The following RYR1 variants were observed in gnomAD, a reference collection of about 807,000 sequenced individuals.
RYR1 encodes the protein ryanodine receptor 1, also known as central core disease of muscle.
Under a neutral mutation model 583.5 loss-of-function variants are expected in RYR1, and 342 were observed. The observed-to-expected ratio is 0.59, with a 90% CI of 0.54 to 0.64. RYR1 has a LOEUF of 0.64. Ranked by LOEUF, RYR1 falls within the 30% of genes least tolerant of loss-of-function variation. RYR1 has a pLI of 0.00. For missense variants in RYR1, 6,032 were observed against 6,917.2 expected (o/e 0.87, Z 4.54); for synonymous variants, 2,791 against 2,822.5 (o/e 0.99, Z 0.35).
In RYR1 at chr19:38,485,950, T is replaced by C; in HGVS notation, c.5295T>C (p.Val1765=). 3 of 1,613,714 alleles carry C rather than the reference T, an allele frequency of 1.9e-6. No individual in the cohort carries two copies. The highest frequency in any genetic ancestry group is 1.7e-6 in the Non-Finnish European group (2 of 1,179,976). ...ACCCCCGGCATGGCCTGCCGGGAGT[T>C]GGAGTCACCACTTCGCTGAGGCCCC... ...NGHPRHGLPG[V]GVTTSLRPPH... Residue 1765 remains valine (V), a synonymous_variant, in exon 34 of 106, where the codon GTT becomes GTC. Coordinates refer to ENST00000359596, the MANE Select transcript of RYR1 (RefSeq NM_000540.3).
chr19:38,473,732 A>G lies in RYR1; in HGVS notation c.4121A>G (p.Asn1374Ser). ...GGEAQPARAE[N>S]EKDATTEKNK... is the part of the protein sequence containing the mutation. Reference sequence around the variant, plus strand: ...GAGGCGCAGCCCGCCAGGGCGGAGAATGAGAAGGATGCCACCACCGAGAAG... The same window carrying G: ...GAGGCGCAGCCCGCCAGGGCGGAGAGTGAGAAGGATGCCACCACCGAGAAG... The change falls in exon 28 of 106, where the codon AAT becomes AGT. Residue 1374 changes from asparagine to serine, a missense_variant. Around this residue, in one of 11 missense-constraint regions of RYR1, gnomAD observed 2,627 missense variants for 2,961.3 expected, o/e 0.89. Coordinates refer to ENST00000359596, the MANE Select transcript of RYR1 (RefSeq NM_000540.3). 6.5e-7 allele frequency: 1 copy of G among 1,534,530 alleles called. No individual in the cohort carries two copies. Among genetic ancestry groups the G allele is most frequent in the South Asian group, 1.2e-5 (1 of 83,304 alleles).
intron 23 of RYR1, among the ~76,000 whole-genome samples, chr19:38,465,745 C>G (rs1180135166): frequency 2.0e-5 from 3 of 151,478 alleles, no homozygotes; most frequent in African/African-American, 7.3e-5. Flanking sequence ...GCCTGGGCAA[C>G]AAGAGTGAAA....
Position 38,517,603 on chromosome 19 carries a change from C to T in RYR1, c.9930C>T (p.Asp3310=), listed in dbSNP as rs1315921296. The change falls in exon 66 of 106, where the codon GAC becomes GAT. Residue 3310 remains aspartate (D), a synonymous_variant. Coordinates refer to ENST00000359596, the MANE Select transcript of RYR1 (RefSeq NM_000540.3). ...APPPCTAVTS[D]HLNSLLGNIL... ...CACCCTGCACAGCTGTCACCTCTGA[C>T]CACCTCAACTCCCTGCTGGGGAATA... 26 of 1,614,092 alleles carry T rather than the reference C, an allele frequency of 1.6e-5. No individual in the cohort carries two copies. The highest frequency in any genetic ancestry group is 2.1e-5 in the Non-Finnish European group (25 of 1,180,044).
rs74744182 is a variant in RYR1 at position 38,516,765 on chromosome 19, G to A, written c.9685+548G>A. 4.4e-3 allele frequency among the ~76,000 whole-genome samples: 664 copies of A among 152,248 alleles called. 3 individuals carry two copies. Among genetic ancestry groups the A allele is most frequent in the African/African-American group, 0.015 (626 of 41,542 alleles). On this transcript the variant is annotated intron_variant, in intron 65 of 105. Transcript: ENST00000359596. ...ATCGAGCAGTTACTATGTATGAGGC[G>A]CTGTCCTAGTCACCTGAGGTTCAGC...
Position 38,565,736 on chromosome 19 carries a change from C to A in RYR1, c.13402C>A (p.Pro4468Thr), listed in dbSNP as rs1238213768. The change falls in exon 91 of 106, where the codon CCC becomes ACC. Residue 4468 changes from proline to threonine, a missense_variant. This residue lies in a region of RYR1 where 753 missense variants were observed against 759.6 expected (regional missense o/e 0.99). Coordinates refer to ENST00000359596, the MANE Select transcript of RYR1 (RefSeq NM_000540.3). The surrounding 1 kb of genome is among the most constrained non-coding windows in gnomAD (Gnocchi z 4.7). The stretch of plus-strand genomic sequence containing the variant: ...CACGACGCCTGCGGAACCGCCCACA[C>A]CCGAGGGCTCTCCCATCCTCAAGAG... ...GDTTPAEPPT[P>T]EGSPILKRKL... 7.0e-7 allele frequency: 1 copy of A among 1,428,390 alleles called. No homozygotes were observed. Among genetic ancestry groups the A allele is most frequent in the Admixed American group, 3.0e-5 (1 of 33,662 alleles). 88.5% of individuals were successfully genotyped at this position (1,428,390 alleles called of 1,614,324 possible). A position where few individuals can be genotyped will look rare whatever the true frequency, so the allele number is the denominator to read the frequency against.
rs529012478 is a variant in RYR1 at position 38,517,662 on chromosome 19, A to G, written c.9989A>G (p.Asp3330Gly). 8 of 1,613,944 alleles carry G rather than the reference A, an allele frequency of 5.0e-6. No homozygotes were observed. Among genetic ancestry groups the G allele is most frequent in the Non-Finnish European group, 6.8e-6 (8 of 1,180,014 alleles). ...ATCATCGTCAACAACCTGGGCATTG[A>G]CGAGGCCTCCTGGATGAAGCGGCTG... Reference protein sequence around the residue: ...LRIIVNNLGIDEASWMKRLAV... With the variant: ...LRIIVNNLGIGEASWMKRLAV... Residue 3330 changes from aspartate to glycine, a missense_variant, in exon 66 of 106, where the codon GAC becomes GGC. Physicochemically the swap from Asp to Gly is moderately conservative, Grantham distance 94 (BLOSUM62 -1). Transcript: ENST00000359596.
Position 38,586,334 on chromosome 19 carries a change from G to T in RYR1, c.14969+143G>T, listed in dbSNP as rs544549437. ...CCCTGCCAGCCAATCAGAAGGTAAG[G>T]GTGGGGCCCCGCAAGATGGTTCACA... On this transcript the variant is annotated intron_variant, in intron 104 of 105. Transcript: ENST00000359596. The T allele has an allele frequency of 2.2e-5, 25 of 1,136,770 alleles. 1 individual carries two copies. The Admixed American group carries it at 4.3e-4, about 20-fold the overall frequency. 70.4% of individuals were successfully genotyped at this position (1,136,770 alleles called of 1,614,324 possible). A position where few individuals can be genotyped will look rare whatever the true frequency, so the allele number is the denominator to read the frequency against.
chr19:38,463,443 G>A lies in RYR1; in HGVS notation c.2598G>A (p.Leu866=), dbSNP rs1308955477. The change falls in exon 21 of 106, where the codon CTG becomes CTA. Residue 866 remains leucine, a synonymous_variant. Coordinates refer to ENST00000359596, the MANE Select transcript of RYR1 (RefSeq NM_000540.3). ...TCTAGATTGTCCTGCCGCCCCATCTGGAGCGCATTCGGGAGAAGCTGGCGG... is the reference window on the plus strand; with the variant it reads ...TCTAGATTGTCCTGCCGCCCCATCTAGAGCGCATTCGGGAGAAGCTGGCGG... ...DTVQIVLPPH[L]ERIREKLAEN... 1 of 1,613,862 alleles carries A rather than the reference G, an allele frequency of 6.2e-7. No individual in the cohort carries two copies. The highest frequency in any genetic ancestry group is 8.5e-7 in the Non-Finnish European group (1 of 1,180,022).
At chr19:38,524,313 G>A (rs1171895432) in intron 70 of RYR1, among the ~76,000 whole-genome samples, 4 of 38 alleles carry the variant, frequency 0.11, no homozygotes, top group East Asian at 0.5. Context: ...CAGCACCCTC[G>A]CCGTGGATGG....
chr19:38,572,117 GGC>G lies in RYR1; in HGVS notation c.13846_13847del (p.Ala4616ArgfsTer8). On this transcript the variant is annotated frameshift_variant, in exon 95 of 106. Transcript: ENST00000359596. LOFTEE classifies it high-confidence loss of function. ...GTGGCAGCTCTGGCTGGGGCTTGGGGGCCGGAGAGGAGGCAGAGGGCGATGAG... is the reference window on the plus strand; with the variant it reads ...GTGGCAGCTCTGGCTGGGGCTTGGGGCGGAGAGGAGGCAGAGGGCGATGAG... ...SGGSSGWGLGAGEEAEGDEDE... is the reference protein window; with the variant it reads ...SGGSSGWGLGXGEEAEGDEDE... 6.2e-7 allele frequency: 1 copy of G among 1,614,172 alleles called. No individual in the cohort carries two copies. Among genetic ancestry groups the G allele is most frequent in the Non-Finnish European group, 8.5e-7 (1 of 1,180,038 alleles).
Position 38,506,830 on chromosome 19 carries a change from C to A in RYR1, c.8694C>A (p.Gly2898=), listed in dbSNP as rs1568514023. 6.2e-7 allele frequency: 1 copy of A among 1,614,046 alleles called. No homozygotes were observed. The highest frequency in any genetic ancestry group is 1.7e-5 in the Admixed American group (1 of 60,012). The part of the protein sequence containing the change: ...RKKKQELEAK[G]GGTHPLLVPY... ...GATTTCTGGTCTTTGCCTCCCCAGGCGGTGGGACCCACCCCCTGCTGGTCC... is the reference window on the plus strand; with the variant it reads ...GATTTCTGGTCTTTGCCTCCCCAGGAGGTGGGACCCACCCCCTGCTGGTCC... The change falls in exon 57 of 106, where the codon GGC becomes GGA. Residue 2898 remains glycine, a splice_region_variant and synonymous_variant. Coordinates refer to ENST00000359596, the MANE Select transcript of RYR1 (RefSeq NM_000540.3).
chr19:38,459,218 T>C lies in RYR1; in HGVS notation c.2240T>C (p.Leu747Pro). 1.2e-6 allele frequency: 2 copies of C among 1,614,198 alleles called. No individual in the cohort carries two copies. The highest frequency in any genetic ancestry group is 1.7e-6 in the Non-Finnish European group (2 of 1,180,020). Reference protein sequence around the residue: ...LAPEDVISCCLDLSVPSISFR... With the variant: ...LAPEDVISCCPDLSVPSISFR... ...CCTGAAGACGTGATCAGCTGCTGCC[T>C]GGACCTCAGCGTGCCGTCCATCTCC... is the stretch of plus-strand genomic sequence containing the variant. The change falls in exon 19 of 106, where the codon CTG becomes CCG. Residue 747 changes from leucine to proline, a missense_variant. Leu to Pro is a moderately conservative substitution (Grantham distance 98, BLOSUM62 -3). Transcript: ENST00000359596.
chr19:38,517,529 G>A lies in RYR1; in HGVS notation c.9856G>A (p.Glu3286Lys). The change falls in exon 66 of 106, where the codon GAG (glutamate) becomes AAG (lysine). Residue 3286 changes from glutamate to lysine, a missense_variant. Coordinates refer to ENST00000359596, the MANE Select transcript of RYR1 (RefSeq NM_000540.3). The part of the protein sequence containing the change: ...MLCSYLPRWW[E>K]RGPEAPPSAL... Reference sequence around the variant, plus strand: ...ATGCAGCTACCTGCCCCGATGGTGGGAGCGCGGGCCCGAGGCACCCCCTTC... The same window carrying A: ...ATGCAGCTACCTGCCCCGATGGTGGAAGCGCGGGCCCGAGGCACCCCCTTC... 1 of 1,613,936 alleles carries A rather than the reference G, an allele frequency of 6.2e-7. No individual in the cohort carries two copies. Among genetic ancestry groups the A allele is most frequent in the Non-Finnish European group, 8.5e-7 (1 of 1,179,916 alleles).
At position 38,506,968 on chromosome 19, in the gene RYR1, C is replaced by T. The variant is rs181138438; in HGVS notation, c.8816+16C>T. ...CGGTTACAAGGCACGCGGGTTGGGG[C>T]TCCCGCGGAAGAGCAGCAGGCAGAA... On this transcript the variant is annotated intron_variant, in intron 57 of 105. Transcript: ENST00000359596. The T allele has an allele frequency of 3.4e-4, 547 of 1,612,260 alleles. 4 individuals carry two copies. In the East Asian group the frequency reaches 0.01, roughly 30 times the overall value.
At chr19:38,520,474 C>G (rs1488065101) in intron 67 of RYR1, among the ~76,000 whole-genome samples, 2 of 151,058 alleles carry the variant, frequency 1.3e-5, no homozygotes, top group East Asian at 3.9e-4. Flanking sequence ...GTGGGCAGAT[C>G]ACCTGAGGTC....
Position 38,490,194 on chromosome 19 carries a change from G to A in RYR1, c.5933G>A (p.Gly1978Asp). Reference protein sequence around the residue: ...KLQANQRSRYGLLIKAFSMTA... With the variant: ...KLQANQRSRYDLLIKAFSMTA... The stretch of plus-strand genomic sequence containing the variant: ...CAGGCCAACCAGCGGAGCCGCTATG[G>A]CCTCCTCATAAAAGCCTTCAGCATG... Residue 1978 changes from glycine to aspartate, a missense_variant, in exon 36 of 106, where the codon GGC becomes GAC. This residue lies in a region of RYR1 where 2,627 missense variants were observed against 2,961.3 expected (regional missense o/e 0.89). Coordinates refer to ENST00000359596, the MANE Select transcript of RYR1 (RefSeq NM_000540.3). 1 of 1,614,202 alleles carries A rather than the reference G, an allele frequency of 6.2e-7. No homozygotes were observed. Among genetic ancestry groups the A allele is most frequent in the Non-Finnish European group, 8.5e-7 (1 of 1,180,050 alleles).
At chr19:38,463,314 G>T (rs554482501) in intron 20 of RYR1, 109 bp from the exon 21 acceptor site, 69 of 852,862 alleles carry the variant, frequency 8.1e-5, no homozygotes, top group Middle Eastern at 4.3e-4. Flanking sequence ...GGTGGGAAAG[G>T]GGGTGCTGGA....
At position 38,586,161 on chromosome 19, in the gene RYR1, C is replaced by G. The variant is rs398123471; in HGVS notation, c.14939C>G (p.Thr4980Arg). 6.2e-7 allele frequency: 1 copy of G among 1,613,898 alleles called. No homozygotes were observed. The highest frequency in any genetic ancestry group is 8.5e-7 in the Non-Finnish European group (1 of 1,180,034). Residue 4980 changes from threonine to arginine, a missense_variant, in exon 104 of 106, where the codon ACG becomes AGG. By Grantham distance (71) the Thr-to-Arg change is moderately conservative (BLOSUM62 -1). Transcript: ENST00000359596. ...ACACCGCATGGCTTCGAGACTCACA[C>G]GCTGGAGGAGCACAACCTGGCCAAT... ...DTTPHGFETH[T>R]LEEHNLANYM...
At chr19:38,490,763 A>G (rs756699621) in intron 37 of RYR1, 31 bp downstream of exon 37, 1 of 1,418,378 alleles carries the variant, frequency 7.1e-7, no homozygotes, top group Non-Finnish European at 1.0e-6. Flanking sequence ...AGTCCTCCCC[A>G]TGCTAACTTT....
Sources: gnomAD v4.1 joint callset for allele counts (sites outside exome capture counted in the v4.1 genomes callset) on GRCh38, gnomAD v4.1.1 for gene constraint, gnomAD v4.1.1 regional missense constraint, Gnocchi (gnomAD v3.1) non-coding constraint, MANE v1.5 for transcripts, NCBI Gene and HGNC (gene_info 2026-07-23, HGNC 2026-07-21) for gene names.